Variants in CFAP92 observed in about 807,000 individuals in gnomAD.
The protein encoded by CFAP92 is cilia and flagella associated protein 92 (putative).
CFAP92 carries 86 observed loss-of-function variants against 106.3 expected under a neutral mutation model. The observed-to-expected ratio is 0.81, with a 90% confidence interval of 0.68 to 0.97. The LOEUF (loss-of-function observed/expected upper bound fraction) is 0.97. Among genes scored for constraint, CFAP92 ranks in the 50% least tolerant of loss-of-function variants. CFAP92 has a pLI of 0.00. For synonymous variants in CFAP92, 477 were observed against 506.4 expected (o/e 0.94, Z 0.78); for missense variants, 1,204 against 1,283.8 (o/e 0.94, Z 0.95).
chr3:129,015,778 G>A, the CFAP92 span, among the ~76,000 whole-genome samples: 2 of 136,244 alleles, frequency 1.5e-5, no homozygotes, highest in Admixed American at 7.7e-5. Flanking sequence ...GCTGCATCCC[G>A]CCCCCCTACC....
chr3:129,014,316 C>G, the CFAP92 span, among the ~76,000 whole-genome samples: 1 of 152,212 alleles, frequency 6.6e-6, no homozygotes, highest in Non-Finnish European at 1.5e-5. The surrounding 1 kb of genome is among the most constrained non-coding windows in gnomAD (Gnocchi z 4.3). Flanking sequence ...GTGACAAGCC[C>G]CACAGACCAG....
intron 10 of CFAP92, among the ~76,000 whole-genome samples, chr3:128,940,480 A>G (rs1939514344): frequency 1.3e-5 from 2 of 152,204 alleles, no homozygotes; most frequent in South Asian, 2.1e-4. Context: ...ATCCTTGCCA[A>G]CACTTGTCAT....
At chr3:128,978,827 T>C (rs1479181284) in intron 4 of CFAP92, among the ~76,000 whole-genome samples, 6 of 152,232 alleles carry the variant, frequency 3.9e-5, no homozygotes, top group Admixed American at 2.0e-4. Flanking sequence ...AAGACTTAAA[T>C]GTTACACCTA....
intron 1 of CFAP92, among the ~76,000 whole-genome samples, chr3:129,001,153 G>A (rs1317715564): frequency 6.6e-6 from 1 of 152,204 alleles, no homozygotes; most frequent in African/African-American, 2.4e-5. Context: ...CCCAGCAACC[G>A]GACGAGGCCG....
chr3:128,918,291 G>A (rs1401297466), intron 12 of CFAP92, among the ~76,000 whole-genome samples: 1 of 152,134 alleles, frequency 6.6e-6, no homozygotes, highest in East Asian at 1.9e-4. Context: ...CCAACATACA[G>A]TGAAACCCTT....
intron 12 of CFAP92, among the ~76,000 whole-genome samples, chr3:128,918,622 A>G (rs1336594838): frequency 1.3e-5 from 2 of 152,236 alleles, no homozygotes; most frequent in Non-Finnish European, 2.9e-5. Context: ...AGAGCCTGGA[A>G]TTGAAATTCT....
intron 9 of CFAP92, among the ~76,000 whole-genome samples, chr3:128,962,261 CCTT>C (rs1941990689): frequency 1.3e-5 from 2 of 152,130 alleles, no homozygotes; most frequent in South Asian, 4.1e-4. Context: ...AAGCCCGTCC[CCTT>C]CTTAAGCAAT....
At chr3:128,964,959 A>G (rs1219713140) in intron 9 of CFAP92, among the ~76,000 whole-genome samples, 2 of 152,214 alleles carry the variant, frequency 1.3e-5, no homozygotes, top group Non-Finnish European at 2.9e-5. Flanking sequence ...GAAGGCAGGA[A>G]TGTCAGGCCT....
rs753971769 is a variant in CFAP92, at chr3:128,977,008, G to A, written c.867C>T (p.Ser289=). ...SSKNSEEYEK[S]LKMDDSSTIQ... Reference sequence around the variant, plus strand: ...TCGTGGAAGAATCGTCCATTTTGAGGGACTTCTCATATTCCTCACTGTTCT... The same window carrying A: ...TCGTGGAAGAATCGTCCATTTTGAGAGACTTCTCATATTCCTCACTGTTCT... The change falls in exon 6 of 16, where the codon TCC becomes TCT. Residue 289 remains serine (S), a synonymous_variant. Transcript: ENST00000645291. 6.2e-7 allele frequency: 1 copy of A among 1,613,758 alleles called. No homozygotes were observed. The highest frequency in any genetic ancestry group is 8.5e-7 in the Non-Finnish European group (1 of 1,179,776).
chr3:128,931,830 C>G (rs1303557900), intron 12 of CFAP92, among the ~76,000 whole-genome samples: 1 of 151,580 alleles, frequency 6.6e-6, no homozygotes, highest in Non-Finnish European at 1.5e-5. Flanking sequence ...GGAGACCAGC[C>G]TAGGCAACAC....
the CFAP92 span, among the ~76,000 whole-genome samples, chr3:129,022,952 C>A: frequency 1.3e-5 from 2 of 152,236 alleles, no homozygotes; most frequent in East Asian, 3.9e-4. Context: ...AAGTCTCCAA[C>A]TTCTCCTCAC....
At position 128,932,630 on chromosome 3, in the gene CFAP92, CCT is replaced by C. The variant is rs2107705669; in HGVS notation, c.2751+68_2751+69del. ...GTCCCACTCAGGAATATGCCCTATG[CCT>C]CTCAGCAGGCGCCTGGACCGCCCAG... On this transcript the variant is annotated intron_variant, in intron 12 of 15. Transcript: ENST00000645291. 5 of 1,420,818 alleles carry C rather than the reference CCT, an allele frequency of 3.5e-6. No homozygotes were observed. The East Asian group carries it at 1.2e-4, about 35-fold the overall frequency. The allele number at this position is 1,420,818 out of a possible 1,614,324, so 88.0% of individuals were successfully genotyped here.
upstream of CFAP92, among the ~76,000 whole-genome samples, chr3:129,006,955 C>T (rs1945101968): frequency 6.6e-6 from 1 of 152,170 alleles, no homozygotes. Flanking sequence ...CAACTGCATA[C>T]CAGGCACTTT....
In CFAP92 at chr3:128,923,310, G is replaced by A. The variant is rs143563704; in HGVS notation, c.2752-7039C>T. On this transcript the variant is annotated intron_variant, in intron 12 of 15. Transcript: ENST00000645291. The stretch of plus-strand genomic sequence containing the variant: ...AATGAGGACCGACTGGAGTCACGCT[G>A]ACATCAACCCCCATAACATGGGGGC... Among the ~76,000 whole-genome samples the A allele has an allele frequency of 4.7e-3, 718 of 152,314 alleles. 6 individuals carry two copies. Among genetic ancestry groups the A allele is most frequent in the African/African-American group, 0.016 (660 of 41,568 alleles).
At chr3:128,960,522 T>C (rs976270065) in intron 9 of CFAP92, among the ~76,000 whole-genome samples, 3 of 152,184 alleles carry the variant, frequency 2.0e-5, no homozygotes, top group Admixed American at 6.5e-5. Flanking sequence ...CATTTTCTGG[T>C]AGAGACAAAA....
intron 4 of CFAP92, 112 bp from the exon 5 acceptor site, chr3:128,978,297 T>C: frequency 6.8e-6 from 7 of 1,026,384 alleles, no homozygotes; most frequent in Non-Finnish European, 1.0e-5. Context: ...CAGACTACAC[T>C]AAAGTAAATA....
intron 8 of CFAP92, among the ~76,000 whole-genome samples, chr3:128,966,420 A>G (rs1487995548): frequency 1.3e-5 from 2 of 152,236 alleles, no homozygotes; most frequent in African/African-American, 4.8e-5. Flanking sequence ...ATACTGATGT[A>G]GAACACAACT....
intron 4 of CFAP92, among the ~76,000 whole-genome samples, chr3:128,982,111 C>G (rs1458176660): frequency 6.6e-6 from 1 of 152,240 alleles, no homozygotes; most frequent in Non-Finnish European, 1.5e-5. Flanking sequence ...ATTGACTTCT[C>G]TCTAGCTATG....
At chr3:128,982,634 C>T (rs894177372) in intron 4 of CFAP92, among the ~76,000 whole-genome samples, 27 of 152,152 alleles carry the variant, frequency 1.8e-4, no homozygotes, top group African/African-American at 6.5e-4. Flanking sequence ...GATGTGGCTT[C>T]CTCACTAAGC....
Sources: allele counts gnomAD v4.1 joint callset (sites outside exome capture counted in the v4.1 genomes callset), GRCh38; gene constraint gnomAD v4.1.1; non-coding constraint Gnocchi (gnomAD v3.1); transcripts MANE v1.5; gene names NCBI Gene and HGNC (gene_info 2026-07-23, HGNC 2026-07-21).